FOXP1: variants seen among roughly 807,000 people sequenced by gnomAD.
FOXP1 encodes forkhead box protein P1.
FOXP1 carries 15 observed loss-of-function variants against 98.2 expected under a neutral mutation model. The ratio of observed to expected loss-of-function variants is 0.15; its 90% CI spans 0.10 to 0.24. The LOEUF (loss-of-function observed/expected upper bound fraction) is 0.24, where lower values mean the gene tolerates loss of function less well. FOXP1 is among the 10% of genes least tolerant of loss of function. The pLI is 1.00. For synonymous variants in FOXP1, 371 were observed against 314.5 expected (o/e 1.18, Z -1.90); for missense variants, 633 against 848.5 (o/e 0.75, Z 3.15).
intron 5 of FOXP1, among the ~76,000 whole-genome samples, chr3:71,202,823 A>C (rs2063758357): frequency 6.6e-6 from 1 of 152,228 alleles, no homozygotes; most frequent in Non-Finnish European, 1.5e-5. Flanking sequence ...ACTATTTTGC[A>C]AACAACTGTC....
rs535852864 is a variant in FOXP1 at position 71,230,602 on chromosome 3, T to TA, written c.-11-32211dup. 3.6e-3 allele frequency among the ~76,000 whole-genome samples: 542 copies of TA among 152,288 alleles called. 4 individuals are homozygous for TA. Among genetic ancestry groups the TA allele is most frequent in the Non-Finnish European group, 5.9e-3 (399 of 68,026 alleles). ...AATATATTAGTAGTTAATCCGTAGC[T>TA]AAAAACCAACATCTAAAGTCTGCTA... is the stretch of plus-strand genomic sequence containing the variant. On this transcript the variant is annotated intron_variant, in intron 5 of 20. Coordinates refer to ENST00000649528, the MANE Select transcript of FOXP1 (RefSeq NM_001349338.3).
chr3:71,187,107 C>T (rs1398912352), intron 6 of FOXP1, among the ~76,000 whole-genome samples: 1 of 152,190 alleles, frequency 6.6e-6, no homozygotes, highest in Non-Finnish European at 1.5e-5. Flanking sequence ...AGTTATAGTG[C>T]CTTATACCTA....
At chr3:71,532,016 C>G (rs534680526) in intron 2 of FOXP1, among the ~76,000 whole-genome samples, 27 of 152,308 alleles carry the variant, frequency 1.8e-4, no homozygotes, top group Admixed American at 2.0e-4. Flanking sequence ...ATCTCAAGTC[C>G]TACAGGCTTC....
intron 6 of FOXP1, chr3:71,130,479 T>C: frequency 6.3e-7 from 1 of 1,597,464 alleles, no homozygotes. Flanking sequence ...AAAATGTTTC[T>C]TTTTCTCTGG....
rs114363402 is a variant in FOXP1, at chr3:71,205,364, C to A, written c.-11-6972G>T. 6.6e-3 allele frequency among the ~76,000 whole-genome samples: 1,000 copies of A among 152,238 alleles called. 12 individuals carry two copies. Among genetic ancestry groups the A allele is most frequent in the African/African-American group, 0.023 (962 of 41,526 alleles). On this transcript the variant is annotated intron_variant, in intron 5 of 20. Transcript: ENST00000649528. ...GTAACACCATAAATTATGCATATTA[C>A]CTGTTGTTAAAAATGATTTATGTAT...
At chr3:71,494,899 T>C (rs1444195490) in intron 2 of FOXP1, among the ~76,000 whole-genome samples, 2 of 143,276 alleles carry the variant, frequency 1.4e-5, no homozygotes, top group Non-Finnish European at 3.0e-5. Flanking sequence ...CCTAAAGCCA[T>C]GAAGTCTATG....
At chr3:71,026,481 G>C (rs776419980) in intron 11 of FOXP1, among the ~76,000 whole-genome samples, 1 of 152,132 alleles carries the variant, frequency 6.6e-6, no homozygotes, top group Admixed American at 6.5e-5. Context: ...AGAGCCTCAC[G>C]GTCGTTCTGG....
At chr3:70,973,090 G>C (rs2107212743) in intron 17 of FOXP1, among the ~76,000 whole-genome samples, 1 of 152,276 alleles carries the variant, frequency 6.6e-6, no homozygotes, top group South Asian at 2.1e-4. Flanking sequence ...GGAACACTTG[G>C]TTAATACTGC....
intron 2 of FOXP1, among the ~76,000 whole-genome samples, chr3:71,575,098 G>C (rs2047623258): frequency 6.6e-6 from 1 of 152,218 alleles, no homozygotes; most frequent in Non-Finnish European, 1.5e-5. Context: ...CCCCACCCCA[G>C]ATACGGCACA....
chr3:70,960,056 T>G (rs1349106388), intron 20 of FOXP1, among the ~76,000 whole-genome samples: 1 of 152,136 alleles, frequency 6.6e-6, no homozygotes, highest in Non-Finnish European at 1.5e-5. Flanking sequence ...CTTTGCTAGT[T>G]AACATGCAGA....
chr3:71,042,319 G>A (rs2048459912), intron 10 of FOXP1, among the ~76,000 whole-genome samples: 1 of 152,034 alleles, frequency 6.6e-6, no homozygotes, highest in Non-Finnish European at 1.5e-5. Flanking sequence ...AATGGACATG[G>A]GTTTTAAGGA....
intron 6 of FOXP1, among the ~76,000 whole-genome samples, chr3:71,140,033 C>T (rs960453129): frequency 3.9e-5 from 6 of 152,228 alleles, no homozygotes; most frequent in African/African-American, 1.4e-4. Flanking sequence ...GTAGTCCTCA[C>T]TTAATATATG....
intron 6 of FOXP1, among the ~76,000 whole-genome samples, chr3:71,196,374 T>G (rs569015024): frequency 6.6e-6 from 1 of 152,194 alleles, no homozygotes; most frequent in Non-Finnish European, 1.5e-5. Flanking sequence ...GTTGTGTGTG[T>G]GGGCGCATGT....
intron 17 of FOXP1, among the ~76,000 whole-genome samples, chr3:70,973,474 T>C (rs908670856): frequency 1.3e-5 from 2 of 152,168 alleles, no homozygotes; most frequent in African/African-American, 4.8e-5. Context: ...GCTGAGACCC[T>C]TAACATCGAT....
At chr3:71,223,693 CA>C (rs34686001) in intron 5 of FOXP1, among the ~76,000 whole-genome samples, 38,948 of 89,862 alleles carry the variant, frequency 0.43, 6,323 homozygotes, top group East Asian at 0.64. Flanking sequence ...GACTACGTCT[CA>C]AAAAAAAAAA....
intron 2 of FOXP1, among the ~76,000 whole-genome samples, chr3:71,518,739 A>T (rs1194100497): frequency 6.6e-6 from 1 of 152,222 alleles, no homozygotes; most frequent in Non-Finnish European, 1.5e-5. Flanking sequence ...GGTTTGAGTC[A>T]TTAAACATTT....
chr3:70,970,570 C>G, intron 19 of FOXP1, 166 bp downstream of exon 19: 2 of 679,824 alleles, frequency 2.9e-6, no homozygotes, highest in South Asian at 3.3e-5. Context: ...AACGCTGAAG[C>G]AGCCCGATGT....
chr3:71,541,858 A>G (rs1431288263), intron 2 of FOXP1: 2 of 430,586 alleles, frequency 4.6e-6, no homozygotes, highest in African/African-American at 4.2e-5. Context: ...AACACCTTCT[A>G]GATTATTTAT....
At chr3:71,155,751 C>A (rs1166444501) in intron 6 of FOXP1, among the ~76,000 whole-genome samples, 5 of 152,216 alleles carry the variant, frequency 3.3e-5, no homozygotes, top group Non-Finnish European at 7.3e-5. Context: ...AGACTTGATA[C>A]GCTCACTTCT....
Sources: allele counts gnomAD v4.1 joint callset (sites outside exome capture counted in the v4.1 genomes callset), GRCh38; gene constraint gnomAD v4.1.1; transcripts MANE v1.5; gene names NCBI Gene and HGNC (gene_info 2026-07-23, HGNC 2026-07-21).